The following CELSR1 variants were observed in gnomAD, a reference collection of about 807,000 sequenced individuals.
CELSR1 encodes adhesion G protein-coupled receptor C1.
A neutral mutation model predicts 249.1 loss-of-function variants in CELSR1; 110 were observed. That is an observed-to-expected ratio of 0.44 (90% CI 0.38 to 0.52). The LOEUF is 0.52. Ranked by LOEUF, CELSR1 falls within the 20% of genes least tolerant of loss-of-function variation. The pLI is 0.00. For missense variants in CELSR1, 4,109 were observed against 4,296.4 expected, an observed-to-expected ratio of 0.96 and a Z score of 1.22; for synonymous variants, 2,113 against 1,900.0, an observed-to-expected ratio of 1.11 and a Z score of -2.92.
chr22:46,409,732 G>C lies in CELSR1; in HGVS notation c.5059+23C>G, dbSNP rs746961962. ...CCTCCCAGGCCGCCGTGACCGGGGG[G>C]ATGGACGACGCCGGCCACTCACCTT... is the stretch of plus-strand genomic sequence containing the variant. On this transcript the variant is annotated intron_variant, in intron 8 of 34. Transcript: ENST00000674500. The surrounding 1 kb of genome is among the most constrained non-coding windows in gnomAD (Gnocchi z 9.8). 1.4e-5 allele frequency: 23 copies of C among 1,610,844 alleles called. No individual in the cohort carries two copies. The highest frequency in any genetic ancestry group is 1.9e-5 in the Non-Finnish European group (23 of 1,179,914).
At chr22:46,421,871 C>T (rs903883346) in intron 5 of CELSR1, among the ~76,000 whole-genome samples, 5 of 152,372 alleles carry the variant, frequency 3.3e-5, no homozygotes, top group African/African-American at 1.2e-4. Context: ...AAGGGCGTGA[C>T]CTTTCACGCA....
chr22:46,464,371 C>A lies in CELSR1; in HGVS notation c.3545-26G>T. 3 of 1,594,928 alleles carry A rather than the reference C, an allele frequency of 1.9e-6. No homozygotes were observed. Among genetic ancestry groups the A allele is most frequent in the South Asian group, 2.3e-5 (2 of 88,482 alleles). ...CTGCAGACACAAGGAAAGTCAGGGT[C>A]ATTCAGATGCTGCGGGAGTCACAGG... On this transcript the variant is annotated intron_variant, in intron 1 of 34. Coordinates refer to ENST00000674500, the MANE Select transcript of CELSR1 (RefSeq NM_001378328.1). The surrounding 1 kb of genome is among the most constrained non-coding windows in gnomAD (Gnocchi z 8.5).
rs1376951832 is a variant in CELSR1 at position 46,439,300 on chromosome 22, G to C, written c.4295C>G (p.Pro1432Arg). The C allele has an allele frequency of 6.2e-7, 1 of 1,614,002 alleles. No homozygotes were observed. Among genetic ancestry groups the C allele is most frequent in the African/African-American group, 1.3e-5 (1 of 74,922 alleles). Residue 1432 changes from proline (P) to arginine (R), a missense_variant, in exon 3 of 35, where the codon CCT (proline) becomes CGT (arginine). Physicochemically the swap from Pro to Arg is moderately radical, Grantham distance 103. This residue lies in a region of CELSR1 where 453 missense variants were observed against 492.0 expected (regional missense o/e 0.92). Transcript: ENST00000674500. ...LIGGFHCVCP[P>R]GEYERPYCEV... ...ACAGTAGGGCCTCTCATACTCGCCA[G>C]GAGGACACACGCAGTGGAAGCCGCC... is the stretch of plus-strand genomic sequence containing the variant.
At chr22:46,400,043 A>C in intron 9 of CELSR1, 141 bp from the exon 10 acceptor site, 1 of 909,760 alleles carries the variant, frequency 1.1e-6, no homozygotes, top group Non-Finnish European at 1.6e-6. Flanking sequence ...AAATTAGGCA[A>C]AGTTGGCCAG....
intron 1 of CELSR1, among the ~76,000 whole-genome samples, chr22:46,499,246 G>A (rs1477304345): frequency 6.7e-6 from 1 of 150,156 alleles, no homozygotes; most frequent in Non-Finnish European, 1.5e-5. Context: ...GCTCAGCAAT[G>A]CTAACCCCCA....
In CELSR1 at chr22:46,381,494, G is replaced by A. The variant is rs1037598160; in HGVS notation, c.7088+352C>T. ...ACTAGCTGAGCAGACCTAACCCCGG[G>A]GCCAGCAGCAGGCACTACCCATGAC... On this transcript the variant is annotated intron_variant, in intron 21 of 34. Coordinates refer to ENST00000674500, the MANE Select transcript of CELSR1 (RefSeq NM_001378328.1). This position sits in a 1 kb window ranked among gnomAD's most constrained non-coding sequence, Gnocchi z 6.0. 5.3e-5 allele frequency among the ~76,000 whole-genome samples: 8 copies of A among 152,168 alleles called. No individual in the cohort carries two copies. Among genetic ancestry groups the A allele is most frequent in the African/African-American group, 1.7e-4 (7 of 41,422 alleles).
chr22:46,440,423 T>A lies in CELSR1; in HGVS notation c.4184-1012A>T, dbSNP rs1029764613. On this transcript the variant is annotated intron_variant, in intron 2 of 34. Transcript: ENST00000674500. The surrounding 1 kb of genome is among the most constrained non-coding windows in gnomAD (Gnocchi z 4.7). ...ACCGTGTTAGCCAGGATGGTCTCCA[T>A]CTCCTAACCTCGTGATCCGCCTGCC... is the stretch of plus-strand genomic sequence containing the variant. 8.5e-5 allele frequency among the ~76,000 whole-genome samples: 13 copies of A among 152,154 alleles called. No individual in the cohort carries two copies. Among genetic ancestry groups the A allele is most frequent in the African/African-American group, 3.1e-4 (13 of 41,432 alleles).
chr22:46,420,725 G>C (rs182195043), intron 5 of CELSR1, among the ~76,000 whole-genome samples: 38 of 152,236 alleles, frequency 2.5e-4, no homozygotes, highest in Admixed American at 1.6e-3. Flanking sequence ...CCTCGATCTG[G>C]GCCCGCGGGA....
rs772104504 is a variant in CELSR1 at position 46,533,799 on chromosome 22, G to A, written c.3372C>T (p.Ile1124=). The part of the protein sequence containing the change: ...NKSNSFPTGV[I]GCIPAHDPDV... ...CGGGGTCATGGGCCGGGATGCAGCC[G>A]ATCACGCCGGTGGGGAAACTGTTGG... Residue 1124 remains isoleucine (I), a synonymous_variant, in exon 1 of 35, where the codon ATC becomes ATT. Coordinates refer to ENST00000674500, the MANE Select transcript of CELSR1 (RefSeq NM_001378328.1). 3.6e-5 allele frequency: 58 copies of A among 1,613,636 alleles called. No homozygotes were observed. The highest frequency in any genetic ancestry group is 4.2e-5 in the Non-Finnish European group (49 of 1,180,018).
At position 46,411,848 on chromosome 22, in the gene CELSR1, C is replaced by T. The variant is rs1201690476; in HGVS notation, c.4612-89G>A. ...CCTGTCACTCATAGAGCGAGGAGGA[C>T]ATGGCACAGGGTGGGCGGCACGTAG... On this transcript the variant is annotated intron_variant, in intron 5 of 34. Transcript: ENST00000674500. This position sits in a 1 kb window ranked among gnomAD's most constrained non-coding sequence, Gnocchi z 4.2. 49 of 1,548,084 alleles carry T rather than the reference C, an allele frequency of 3.2e-5. No individual in the cohort carries two copies. The highest frequency in any genetic ancestry group is 4.3e-5 in the Non-Finnish European group (49 of 1,134,652).
chr22:46,503,756 G>A (rs1304898604), intron 1 of CELSR1, among the ~76,000 whole-genome samples: 2 of 152,228 alleles, frequency 1.3e-5, no homozygotes, highest in Non-Finnish European at 1.5e-5. Context: ...AAGGCTGGGT[G>A]CAGCGTCTCA....
intron 2 of CELSR1, among the ~76,000 whole-genome samples, chr22:46,460,598 A>G (rs1422596978): frequency 6.6e-6 from 1 of 152,208 alleles, no homozygotes; most frequent in East Asian, 1.9e-4. Flanking sequence ...GGGGCTGAGA[A>G]CCGAGGAACA....
In CELSR1 at chr22:46,381,040, G is replaced by A. The variant is rs894829232; in HGVS notation, c.7089-85C>T. On this transcript the variant is annotated intron_variant, in intron 21 of 34. Coordinates refer to ENST00000674500, the MANE Select transcript of CELSR1 (RefSeq NM_001378328.1). This position sits in a 1 kb window ranked among gnomAD's most constrained non-coding sequence, Gnocchi z 6.0. ...CCGCGCACAAATGCCCTGAGGACAC[G>A]CCATGATGTGTTTCTAGGGGAGACA... The A allele has an allele frequency of 3.2e-5, 44 of 1,374,554 alleles. No individual in the cohort carries two copies. In the South Asian group the frequency reaches 3.7e-4, roughly 12 times the overall value. 85.1% of individuals were successfully genotyped at this position (1,374,554 alleles called of 1,614,324 possible).
At chr22:46,463,004 T>G (rs554830572) in intron 2 of CELSR1, 31 of 421,344 alleles carry the variant, frequency 7.4e-5, no homozygotes, top group Non-Finnish European at 1.3e-4. Context: ...TTCCACTGTT[T>G]TACGCTAACC....
chr22:46,451,880 C>A (rs2079889282), intron 2 of CELSR1, among the ~76,000 whole-genome samples: 1 of 152,162 alleles, frequency 6.6e-6, no homozygotes, highest in African/African-American at 2.4e-5. Flanking sequence ...GGGCTCGATG[C>A]AATCACAACA....
intron 5 of CELSR1, among the ~76,000 whole-genome samples, chr22:46,414,039 A>AC (rs2079368183): frequency 6.6e-6 from 1 of 152,210 alleles, no homozygotes; most frequent in African/African-American, 2.4e-5. Flanking sequence ...GCTCAGAGCT[A>AC]CGGATTCAAG....
At chr22:46,511,749 G>C (rs986469118) in intron 1 of CELSR1, among the ~76,000 whole-genome samples, 15 of 152,166 alleles carry the variant, frequency 9.9e-5, no homozygotes, top group African/African-American at 3.6e-4. Flanking sequence ...GGAGAGTAGG[G>C]GGCAGAAGAA....
intron 1 of CELSR1, among the ~76,000 whole-genome samples, chr22:46,509,426 C>T (rs1192145861): frequency 2.1e-5 from 2 of 95,968 alleles, no homozygotes; most frequent in Non-Finnish European, 4.6e-5. Context: ...ACTGTTCTGT[C>T]GGTGTTGGTC....
Position 46,535,821 on chromosome 22 carries a change from C to T in CELSR1, c.1350G>A (p.Glu450=). 6.2e-7 allele frequency: 1 copy of T among 1,611,336 alleles called. No homozygotes were observed. Among genetic ancestry groups the T allele is most frequent in the Non-Finnish European group, 8.5e-7 (1 of 1,179,758 alleles). ...SATATVYIEV[E]DENDNYPQFS... is the part of the protein sequence containing the mutation. ...ACTGGGGGTAGTTGTCGTTCTCGTC[C>T]TCCACCTCGATGTACACGGTGGCCG... The change falls in exon 1 of 35, where the codon GAG becomes GAA. Residue 450 remains glutamate (E), a synonymous_variant. Transcript: ENST00000674500.
Sources: allele counts gnomAD v4.1 joint callset (sites outside exome capture counted in the v4.1 genomes callset), GRCh38; gene constraint gnomAD v4.1.1; regional missense constraint gnomAD v4.1.1; non-coding constraint Gnocchi (gnomAD v3.1); transcripts MANE v1.5; gene names NCBI Gene and HGNC (gene_info 2026-07-23, HGNC 2026-07-21).